The following CEP120 variants were observed in gnomAD, a reference collection of about 807,000 sequenced individuals.
CEP120 encodes centrosomal protein 120.
A neutral mutation model predicts 126.5 loss-of-function variants in CEP120; 113 were observed. The observed-to-expected ratio is 0.89, with a 90% CI of 0.77 to 1.04. The LOEUF (loss-of-function observed/expected upper bound fraction) is 1.04, where lower values mean the gene tolerates loss of function less well. Ranked by LOEUF, CEP120 falls within the 50% of genes least tolerant of loss-of-function variation. CEP120 has a pLI of 0.00. For missense variants in CEP120, 1,230 were observed against 1,155.7 expected, an observed-to-expected ratio of 1.06 and a Z score of -0.93; for synonymous variants, 400 against 394.3, an observed-to-expected ratio of 1.01 and a Z score of -0.17.
rs371399214 is a variant in CEP120 at position 123,383,481 on chromosome 5, CA to C, written c.1764-400del. ...TTTTGTCTTGTTTTCCTATTTACATCAGGGGCATTTTCTCACATCATAACAT... is the reference window on the plus strand; with the variant it reads ...TTTTGTCTTGTTTTCCTATTTACATCGGGGCATTTTCTCACATCATAACAT... On this transcript the variant is annotated intron_variant, in intron 11 of 19. Transcript: ENST00000306467. Among the ~76,000 whole-genome samples, 408 of 152,110 alleles carry C rather than the reference CA, an allele frequency of 2.7e-3. 4 individuals are homozygous for C. The highest frequency in any genetic ancestry group is 9.3e-3 in the African/African-American group (385 of 41,522).
intron 17 of CEP120, among the ~76,000 whole-genome samples, chr5:123,368,338 C>A (rs1479345071): frequency 1.3e-5 from 2 of 151,892 alleles, no homozygotes; most frequent in Non-Finnish European, 2.9e-5. Flanking sequence ...TTGGGAGAAT[C>A]CATGTGACAT....
chr5:123,350,462 A>G (rs930327365), intron 18 of CEP120, among the ~76,000 whole-genome samples: 3 of 152,198 alleles, frequency 2.0e-5, no homozygotes, highest in Admixed American at 1.3e-4. Flanking sequence ...CTCTTTTACT[A>G]TAAGTCATAA....
chr5:123,410,435 T>C (rs1773976996), intron 4 of CEP120, among the ~76,000 whole-genome samples: 1 of 152,206 alleles, frequency 6.6e-6, no homozygotes, highest in South Asian at 2.1e-4. Flanking sequence ...ACTTCAAGTC[T>C]TACTTGAAGC....
Position 123,382,830 on chromosome 5 carries a change from C to G in CEP120, c.1920G>C (p.Glu640Asp), listed in dbSNP as rs1380286069. 1 of 1,613,500 alleles carries G rather than the reference C, an allele frequency of 6.2e-7. No homozygotes were observed. Among genetic ancestry groups the G allele is most frequent in the Admixed American group, 1.7e-5 (1 of 59,868 alleles). ...ACGTTTCACGAGGCTCTGTCTGGAT[C>G]TCTGAAGGACAAGGTGCTGGAGGAA... ...SSLPPAPCPSEIQTEPRETLE... is the reference protein window; with the variant it reads ...SSLPPAPCPSDIQTEPRETLE... Residue 640 changes from glutamate to aspartate, a missense_variant, in exon 13 of 20, where the codon GAG becomes GAC. Glu to Asp is a conservative substitution (Grantham distance 45, BLOSUM62 2). Transcript: ENST00000306467.
Position 123,346,494 on chromosome 5 carries a change from C to T in CEP120, c.*25G>A. ...AGAAATTAAAATTTAGACTTAGAGTCTCTATAAAGCTTTTCCAAATGTTAT... is the reference window on the plus strand; with the variant it reads ...AGAAATTAAAATTTAGACTTAGAGTTTCTATAAAGCTTTTCCAAATGTTAT... On this transcript the variant is annotated 3_prime_UTR_variant, in exon 20 of 20. Transcript: ENST00000306467. 1 of 1,486,664 alleles carries T rather than the reference C, an allele frequency of 6.7e-7. No individual in the cohort carries two copies. The highest frequency in any genetic ancestry group is 1.2e-5 in the South Asian group (1 of 81,992). 92.1% of individuals were successfully genotyped at this position (1,486,664 alleles called of 1,614,324 possible).
intron 19 of CEP120, among the ~76,000 whole-genome samples, chr5:123,346,988 T>C (rs1768868438): frequency 6.6e-6 from 1 of 152,144 alleles, no homozygotes; most frequent in Non-Finnish European, 1.5e-5. Context: ...ACTAGATATT[T>C]TGGAGCTGTG....
In CEP120 at chr5:123,388,725, T is replaced by C. The variant is rs985361707; in HGVS notation, c.1256-119A>G. The C allele has an allele frequency of 2.4e-5, 17 of 718,072 alleles. No homozygotes were observed. The African/African-American group carries it at 2.9e-4, about 12-fold the overall frequency. 44.5% of individuals were successfully genotyped at this position (718,072 alleles called of 1,614,324 possible). A position where few individuals can be genotyped will look rare whatever the true frequency, so the allele number is the denominator to read the frequency against. On this transcript the variant is annotated intron_variant, in intron 8 of 19. Transcript: ENST00000306467. Reference sequence around the variant, plus strand: ...TTTAAGCAGGAATTGGGCTATTTTGTCTCATGAACATATGAATTGAGGTAT... The same window carrying C: ...TTTAAGCAGGAATTGGGCTATTTTGCCTCATGAACATATGAATTGAGGTAT...
chr5:123,349,354 A>G (rs887194667), intron 19 of CEP120, among the ~76,000 whole-genome samples: 50 of 152,308 alleles, frequency 3.3e-4, no homozygotes, highest in African/African-American at 9.1e-4. Context: ...AGATTTAAAA[A>G]AAAAGGGCCG....
At chr5:123,420,393 G>C (rs1774644539) in intron 1 of CEP120, among the ~76,000 whole-genome samples, 1 of 152,090 alleles carries the variant, frequency 6.6e-6, no homozygotes, top group East Asian at 1.9e-4. Context: ...TTTTGTTCAT[G>C]GTAAAAGCTT....
intron 18 of CEP120, among the ~76,000 whole-genome samples, chr5:123,364,024 ACTT>A (rs986592469): frequency 2.4e-4 from 36 of 151,646 alleles, no homozygotes; most frequent in Admixed American, 1.2e-3. Flanking sequence ...AATTCAGAAA[ACTT>A]CTATCAAAGT....
intron 9 of CEP120, chr5:123,388,229 A>G (rs942201313): frequency 1.2e-5 from 4 of 337,448 alleles, no homozygotes; most frequent in African/African-American, 6.4e-5. Context: ...ATTATATCAG[A>G]ATAATAAGAC....
chr5:123,417,300 T>C (rs925830065), intron 2 of CEP120, among the ~76,000 whole-genome samples: 1 of 152,210 alleles, frequency 6.6e-6, no homozygotes, highest in Non-Finnish European at 1.5e-5. Flanking sequence ...GCTTTCCTTT[T>C]TTTTAACTTT....
At position 123,391,142 on chromosome 5, in the gene CEP120, C is replaced by T; in HGVS notation, c.1006G>A (p.Val336Met). The T allele has an allele frequency of 6.2e-7, 1 of 1,614,152 alleles. No homozygotes were observed. Among genetic ancestry groups the T allele is most frequent in the South Asian group, 1.1e-5 (1 of 91,078 alleles). ...TCTATGCCTTCTCTCTGCAGAGCCA[C>T]AGACACTCCCACAGTTGGGGCTAGC... The part of the protein sequence containing the change: ...VELAPTVGVS[V>M]ALQREGIDSQ... The change falls in exon 7 of 20, where the codon GTG (valine) becomes ATG (methionine). Residue 336 changes from valine to methionine, a missense_variant. Physicochemically the swap from Val to Met is conservative, Grantham distance 21. Transcript: ENST00000306467.
chr5:123,371,768 G>A (rs1474026149), intron 17 of CEP120, among the ~76,000 whole-genome samples: 4 of 152,078 alleles, frequency 2.6e-5, no homozygotes, highest in South Asian at 2.1e-4. Context: ...CTGGTCTTCC[G>A]CTAGTGCCCC....
chr5:123,416,434 GGT>G (rs1774398845), intron 2 of CEP120, among the ~76,000 whole-genome samples: 2 of 151,932 alleles, frequency 1.3e-5, no homozygotes, highest in Admixed American at 6.6e-5. Flanking sequence ...AGCTGGGTGT[GGT>G]GCCACGCGCC....
rs746715763 is a variant in CEP120, at chr5:123,399,300, C to T, written c.464-16G>A. 1.2e-6 allele frequency: 2 copies of T among 1,611,620 alleles called. No homozygotes were observed. Among genetic ancestry groups the T allele is most frequent in the Non-Finnish European group, 1.7e-6 (2 of 1,178,308 alleles). On this transcript the variant is annotated splice_polypyrimidine_tract_variant and intron_variant, in intron 4 of 19. Transcript: ENST00000306467. ...ATGGCAGGTACTTTACAGAGAAAAA[C>T]ACGATTAAACTACATTGTAGTTTGT...
intron 18 of CEP120, among the ~76,000 whole-genome samples, chr5:123,363,213 A>C (rs1475944730): frequency 6.6e-6 from 1 of 151,550 alleles, no homozygotes; most frequent in African/African-American, 2.4e-5. Flanking sequence ...TTAAGTATCT[A>C]TCTCCAGAGG....
At chr5:123,392,477 TA>T in intron 6 of CEP120, among the ~76,000 whole-genome samples, 1 of 152,318 alleles carries the variant, frequency 6.6e-6, no homozygotes, top group East Asian at 1.9e-4. Flanking sequence ...GGAAGTGTCA[TA>T]AAAGACAGAA....
chr5:123,382,918 A>C (rs761337907), intron 12 of CEP120, 29 bp from the exon 13 acceptor site: 1 of 1,611,348 alleles, frequency 6.2e-7, no homozygotes, highest in South Asian at 1.1e-5. Flanking sequence ...AGTACATTTA[A>C]ACACTCACAC....
Sources: allele counts gnomAD v4.1 joint callset (sites outside exome capture counted in the v4.1 genomes callset), GRCh38; gene constraint gnomAD v4.1.1; transcripts MANE v1.5; gene names NCBI Gene and HGNC (gene_info 2026-07-23, HGNC 2026-07-21).